Variants in SMAD5 observed in about 807,000 individuals in gnomAD.
SMAD5 encodes the protein MAD, mothers against decapentaplegic homolog 5.
Under a neutral mutation model 43.1 loss-of-function variants are expected in SMAD5, and 9 were observed. That is an observed-to-expected ratio of 0.21 (90% CI 0.13 to 0.36). The LOEUF is 0.36. Among genes scored for constraint, SMAD5 ranks in the 10% least tolerant of loss-of-function variants. The probability of loss-of-function intolerance (pLI) is 1.00; values close to 1 mark genes in which losing one functional copy is unlikely to be tolerated. For missense variants in SMAD5, 348 were observed against 574.0 expected, an observed-to-expected ratio of 0.61 and a Z score of 4.02; for synonymous variants, 190 against 192.4, an observed-to-expected ratio of 0.99 and a Z score of 0.10.
chr5:136,135,870 CTCTCTGTA>C (rs1752856176), intron 1 of SMAD5, among the ~76,000 whole-genome samples: 1 of 152,198 alleles, frequency 6.6e-6, no homozygotes, highest in Non-Finnish European at 1.5e-5. Flanking sequence ...GTCTCTCTGT[CTCTCTGTA>C]CACTAACCAC....
chr5:136,148,998 A>G (rs1049293995), intron 2 of SMAD5, among the ~76,000 whole-genome samples: 1 of 151,848 alleles, frequency 6.6e-6, no homozygotes, highest in African/African-American at 2.4e-5. Context: ...AGATCAAAAT[A>G]TGGAAAATTT....
At position 136,179,163 on chromosome 5, in the gene SMAD5, C is replaced by A. The variant is rs1754530364; in HGVS notation, c.*1683C>A. ...TAAGTACTTATGTGGAAGCTAGTCT[C>A]CCAAAACACAATCTTTAGAGAGAAA... On this transcript the variant is annotated 3_prime_UTR_variant, in exon 8 of 8. Transcript: ENST00000545279. 6.6e-6 allele frequency: 1 copy of A among 152,338 alleles called. No homozygotes were observed. The highest frequency in any genetic ancestry group is 1.9e-4 in the East Asian group (1 of 5,196). 9.4% of individuals were successfully genotyped at this position (152,338 alleles called of 1,614,324 possible).
rs1754559645 is a variant in SMAD5, at chr5:136,179,802, T to G, written c.*2322T>G. 7.7e-6 allele frequency: 1 copy of G among 129,862 alleles called. No individual in the cohort carries two copies. Among genetic ancestry groups the G allele is most frequent in the Non-Finnish European group, 1.6e-5 (1 of 62,170 alleles). The allele number at this position is 129,862 out of a possible 1,614,324, so 8.0% of individuals were successfully genotyped here. On this transcript the variant is annotated 3_prime_UTR_variant, in exon 8 of 8. Transcript: ENST00000545279. ...TTATGGCATGATCTCTGGAACAAAT[T>G]TGTAGGAAAAAATTACTCCAATTGA...
chr5:136,178,477 T>C lies in SMAD5; in HGVS notation c.*997T>C, dbSNP rs1754505825. The C allele has an allele frequency of 6.6e-6, 1 of 152,458 alleles. No homozygotes were observed. The highest frequency in any genetic ancestry group is 2.4e-5 in the African/African-American group (1 of 41,470). The allele number at this position is 152,458 out of a possible 1,614,324, so 9.4% of individuals were successfully genotyped here. Reference sequence around the variant, plus strand: ...GATTACATTTGTAGGAAGTTATGCTTTTTTCTGGTTTTTGTTTTACTTTCA... The same window carrying C: ...GATTACATTTGTAGGAAGTTATGCTCTTTTCTGGTTTTTGTTTTACTTTCA... On this transcript the variant is annotated 3_prime_UTR_variant, in exon 8 of 8. Coordinates refer to ENST00000545279, the MANE Select transcript of SMAD5 (RefSeq NM_005903.7).
intron 5 of SMAD5, among the ~76,000 whole-genome samples, chr5:136,170,411 T>C (rs1754175569): frequency 6.6e-6 from 1 of 152,214 alleles, no homozygotes; most frequent in Non-Finnish European, 1.5e-5. Flanking sequence ...CTTGGGTCTA[T>C]TTCTAAACTC....
At chr5:136,169,864 GACATA>G (rs1754152429) in intron 5 of SMAD5, among the ~76,000 whole-genome samples, 3 of 152,106 alleles carry the variant, frequency 2.0e-5, no homozygotes, top group Admixed American at 1.3e-4. Context: ...ATTCCTTAAT[GACATA>G]ACATGTTGAA....
intron 7 of SMAD5, among the ~76,000 whole-genome samples, chr5:136,176,843 A>G (rs930570842): frequency 6.6e-6 from 1 of 152,210 alleles, no homozygotes; most frequent in Non-Finnish European, 1.5e-5. Context: ...GTATTTATAA[A>G]TATTTGCAGG....
chr5:136,134,037 T>TGGGG (rs10544057), intron 1 of SMAD5: 3 of 45,870 alleles, frequency 6.5e-5, no homozygotes, highest in Admixed American at 3.4e-4. Flanking sequence ...GCTGGAGCTT[T>TGGGG]GGGGGGGGGG....
Position 136,161,233 on chromosome 5 carries a change from C to G in SMAD5, c.655+126C>G, listed in dbSNP as rs1753817953. On this transcript the variant is annotated intron_variant, in intron 4 of 7. Transcript: ENST00000545279. Reference sequence around the variant, plus strand: ...TAATAGCTGTTTCTGACTCTTTATTCTTTAGGTAATTGTTTGATTTCCAGA... The same window carrying G: ...TAATAGCTGTTTCTGACTCTTTATTGTTTAGGTAATTGTTTGATTTCCAGA... 3.6e-6 allele frequency: 3 copies of G among 822,504 alleles called. No homozygotes were observed. The East Asian group carries it at 7.9e-5, about 22-fold the overall frequency. The allele number at this position is 822,504 out of a possible 1,614,324, so 51.0% of individuals were successfully genotyped here.
chr5:136,174,781 A>AT, intron 7 of SMAD5, 149 bp downstream of exon 7: 1 of 592,174 alleles, frequency 1.7e-6, no homozygotes, highest in East Asian at 2.8e-5. Context: ...TGAATTTGTA[A>AT]TTTTAACTAC....
In SMAD5 at chr5:136,172,328, A is replaced by G. The variant is rs542826819; in HGVS notation, c.776-106A>G. On this transcript the variant is annotated intron_variant, in intron 5 of 7. Transcript: ENST00000545279. ...CAGTGAGACTTGTGAAATATCTGAA[A>G]ATTTTCTTTTTCATGTAATACTTGG... 7 of 633,244 alleles carry G rather than the reference A, an allele frequency of 1.1e-5. No individual in the cohort carries two copies. In the South Asian group the frequency reaches 1.3e-4, roughly 12 times the overall value. The allele number at this position is 633,244 out of a possible 1,614,324, so 39.2% of individuals were successfully genotyped here. A position where few individuals can be genotyped will look rare whatever the true frequency, so the allele number is the denominator to read the frequency against.
rs755672090 is a variant in SMAD5, at chr5:136,163,278, C to T, written c.662C>T (p.Thr221Met). 9 of 1,603,948 alleles carry T rather than the reference C, an allele frequency of 5.6e-6. No homozygotes were observed. The highest frequency in any genetic ancestry group is 1.3e-5 in the African/African-American group (1 of 74,396). The stretch of plus-strand genomic sequence containing the variant: ...TTATTTTTTTTCCTCTTAGCTGATA[C>T]GCCTCCTCCTGCCTATATGCCACCT... The part of the protein sequence containing the change: ...PGSPFQLPAD[T>M]PPPAYMPPDD... The change falls in exon 5 of 8, where the codon ACG (threonine) becomes ATG (methionine). Residue 221 changes from threonine to methionine, a missense_variant. Physicochemically the swap from Thr to Met is moderately conservative, Grantham distance 81. This residue lies in a region of SMAD5 where 185 missense variants were observed against 207.0 expected (regional missense o/e 0.89). Coordinates refer to ENST00000545279, the MANE Select transcript of SMAD5 (RefSeq NM_005903.7).
At chr5:136,135,018 A>T (rs1468768085) in intron 1 of SMAD5, 1 of 152,224 alleles carries the variant, frequency 6.6e-6, no homozygotes, top group Non-Finnish European at 1.5e-5. Flanking sequence ...AAAAAAGAAT[A>T]AAATATTTTC....
intron 1 of SMAD5, among the ~76,000 whole-genome samples, chr5:136,136,668 A>G (rs991292579): frequency 1.3e-5 from 2 of 152,120 alleles, no homozygotes; most frequent in African/African-American, 2.4e-5. Context: ...GTAATTACAG[A>G]GTTCTTAGGT....
At chr5:136,172,860 G>C in intron 6 of SMAD5, 1 of 557,552 alleles carries the variant, frequency 1.8e-6, no homozygotes, top group Non-Finnish European at 3.2e-6. Context: ...TTTCTTCCCA[G>C]TGCTAAGGAT....
rs139061543 is a variant in SMAD5, at chr5:136,175,470, T to A, written c.1254+838T>A. ...AGCCACAATTACTTTTCCACCAACC[T>A]TAATATTAAGGATTTGCAAAGTTCA... On this transcript the variant is annotated intron_variant, in intron 7 of 7. Coordinates refer to ENST00000545279, the MANE Select transcript of SMAD5 (RefSeq NM_005903.7). 1.6e-3 allele frequency among the ~76,000 whole-genome samples: 245 copies of A among 152,274 alleles called. 2 individuals carry two copies. The highest frequency in any genetic ancestry group is 9.8e-3 in the East Asian group (51 of 5,190).
At chr5:136,139,574 C>T (rs745916567) in intron 1 of SMAD5, among the ~76,000 whole-genome samples, 8 of 152,156 alleles carry the variant, frequency 5.3e-5, no homozygotes, top group Non-Finnish European at 7.3e-5. Flanking sequence ...CTGCTATCAC[C>T]CTGGTTGTAA....
At chr5:136,177,242 A>G in intron 7 of SMAD5, 95 bp from the exon 8 acceptor site, 1 of 1,009,976 alleles carries the variant, frequency 9.9e-7, no homozygotes, top group Non-Finnish European at 1.6e-6. Flanking sequence ...ACATATCTCT[A>G]CTGTTAAAAG....
intron 7 of SMAD5, among the ~76,000 whole-genome samples, chr5:136,175,036 T>C (rs931576860): frequency 6.6e-6 from 1 of 151,406 alleles, no homozygotes; most frequent in African/African-American, 2.4e-5. Flanking sequence ...CTCACAATCA[T>C]GGCGGAAGGT....
Sources: gnomAD v4.1 joint callset for allele counts (sites outside exome capture counted in the v4.1 genomes callset) on GRCh38, gnomAD v4.1.1 for gene constraint, gnomAD v4.1.1 regional missense constraint, MANE v1.5 for transcripts, NCBI Gene and HGNC (gene_info 2026-07-23, HGNC 2026-07-21) for gene names.